FHIP2A: variants seen among roughly 807,000 people sequenced by gnomAD.
FHIP2A encodes family with sequence similarity 160 member B1.
In FHIP2A, 46 loss-of-function variants were observed where a neutral mutation model predicts 93.5. The observed-to-expected ratio is 0.49, with a 90% CI of 0.39 to 0.63. The LOEUF (loss-of-function observed/expected upper bound fraction) is 0.63. Among genes scored for constraint, FHIP2A ranks in the 20% least tolerant of loss-of-function variants. The probability of loss-of-function intolerance (pLI) is 0.00; values close to 1 mark genes in which losing one functional copy is unlikely to be tolerated. For synonymous variants in FHIP2A, 332 were observed against 326.5 expected, an observed-to-expected ratio of 1.02 and a Z score of -0.18; for missense variants, 769 against 909.7, an observed-to-expected ratio of 0.85 and a Z score of 1.99.
intron 16 of FHIP2A, among the ~76,000 whole-genome samples, chr10:114,898,936 A>C (rs2084013774): frequency 6.6e-6 from 1 of 152,180 alleles, no homozygotes; most frequent in South Asian, 2.1e-4. Flanking sequence ...GTTTTGGCCA[A>C]TGGACATCTA....
chr10:114,843,573 G>A (rs1385855734), intron 6 of FHIP2A, among the ~76,000 whole-genome samples, 168 bp from the exon 7 acceptor site: 1 of 151,942 alleles, frequency 6.6e-6, no homozygotes. Flanking sequence ...CAAAATGCTG[G>A]GATTACAGGT....
chr10:114,845,241 G>C, intron 7 of FHIP2A, 126 bp from the exon 8 acceptor site: 1 of 531,054 alleles, frequency 1.9e-6, no homozygotes, highest in Non-Finnish European at 3.4e-6. Flanking sequence ...CTGTCCTCCA[G>C]CATTTCCTGT....
In FHIP2A at chr10:114,836,658, C is replaced by G. The variant is rs888505053; in HGVS notation, c.522+412C>G. The stretch of plus-strand genomic sequence containing the variant: ...AGATGGAAAAAAGCACGAGTTATCT[C>G]TCCATCCTCATAGCAGTTGGGATTG... On this transcript the variant is annotated intron_variant, in intron 5 of 16. Transcript: ENST00000369248. 9.2e-5 allele frequency among the ~76,000 whole-genome samples: 14 copies of G among 152,322 alleles called. No homozygotes were observed. In the East Asian group the frequency reaches 1.5e-3, roughly 17 times the overall value.
intron 16 of FHIP2A, among the ~76,000 whole-genome samples, chr10:114,888,165 G>A (rs2083952432): frequency 6.6e-6 from 1 of 152,178 alleles, no homozygotes; most frequent in South Asian, 2.1e-4. Flanking sequence ...TGCTCCTTCA[G>A]GCTTAGGGGT....
chr10:114,859,596 A>G (rs2083786003), intron 14 of FHIP2A, among the ~76,000 whole-genome samples: 2 of 152,326 alleles, frequency 1.3e-5, no homozygotes, highest in Middle Eastern at 6.8e-3. Flanking sequence ...GGCTGCTTAG[A>G]AGAAGCAAAC....
At chr10:114,885,645 C>T (rs1214377602) in intron 16 of FHIP2A, among the ~76,000 whole-genome samples, 1 of 152,210 alleles carries the variant, frequency 6.6e-6, no homozygotes, top group Non-Finnish European at 1.5e-5. Flanking sequence ...TCACCATTTG[C>T]TTTGCTCATC....
intron 16 of FHIP2A, among the ~76,000 whole-genome samples, chr10:114,888,584 G>A (rs895045325): frequency 3.3e-5 from 5 of 152,106 alleles, no homozygotes; most frequent in Admixed American, 2.6e-4. Flanking sequence ...TCATGAAGGT[G>A]GAACTTTTCT....
In FHIP2A at chr10:114,886,493, T is replaced by G. The variant is rs191480197; in HGVS notation, c.2193-12997T>G. ...ATGTTAACGCGTGCTTTATTTTATT[T>G]AATTGTCAGATAATTCTGCAAAGTA... On this transcript the variant is annotated intron_variant, in intron 16 of 16. Transcript: ENST00000369250. 2.1e-3 allele frequency among the ~76,000 whole-genome samples: 321 copies of G among 152,330 alleles called. 4 individuals carry two copies. The highest frequency in any genetic ancestry group is 0.018 in the Admixed American group (276 of 15,298).
At chr10:114,841,064 A>G (rs942420912) in intron 5 of FHIP2A, among the ~76,000 whole-genome samples, 9 of 152,082 alleles carry the variant, frequency 5.9e-5, no homozygotes, top group African/African-American at 2.2e-4. Flanking sequence ...CAGATATTCA[A>G]CAGGTCCGGA....
intron 16 of FHIP2A, among the ~76,000 whole-genome samples, chr10:114,891,537 A>ATG (rs34032569): frequency 0.26 from 35,594 of 136,882 alleles, 4,721 homozygotes; most frequent in Non-Finnish European, 0.32. Context: ...ATATATATAT[A>ATG]TGTGTGTGTG....
intron 5 of FHIP2A, among the ~76,000 whole-genome samples, chr10:114,838,920 G>A (rs547956273): frequency 2.6e-5 from 4 of 152,288 alleles, no homozygotes; most frequent in Admixed American, 2.6e-4. Flanking sequence ...CTATTCATAT[G>A]TGTTTAATGT....
chr10:114,879,887 A>T (rs2083908385), intron 16 of FHIP2A, among the ~76,000 whole-genome samples: 1 of 152,150 alleles, frequency 6.6e-6, no homozygotes, highest in Non-Finnish European at 1.5e-5. Flanking sequence ...TTGAGCTCCG[A>T]GGCTCAAGGG....
intron 5 of FHIP2A, among the ~76,000 whole-genome samples, chr10:114,841,295 T>TTC (rs2083667304): frequency 6.7e-6 from 1 of 149,484 alleles, no homozygotes; most frequent in Non-Finnish European, 1.5e-5. Context: ...GCCATTGGTT[T>TTC]TTTTTTTTTT....
chr10:114,861,643 C>T lies in FHIP2A; in HGVS notation c.*103C>T, dbSNP rs1008538971. The T allele has an allele frequency of 2.8e-5, 41 of 1,482,188 alleles. No homozygotes were observed. The highest frequency in any genetic ancestry group is 2.5e-4 in the Middle Eastern group (1 of 4,022). The allele number at this position is 1,482,188 out of a possible 1,614,324, so 91.8% of individuals were successfully genotyped here. On this transcript the variant is annotated 3_prime_UTR_variant, in exon 17 of 17. Transcript: ENST00000369248. Reference sequence around the variant, plus strand: ...CAAGAGGATAAAAAGCCTTTTTAAACGCAGTATTGCTGTAAACTGGACAGA... The same window carrying T: ...CAAGAGGATAAAAAGCCTTTTTAAATGCAGTATTGCTGTAAACTGGACAGA...
chr10:114,862,168 TA>T lies in FHIP2A; in HGVS notation c.*629del, dbSNP rs2083804330. ...ATTCTTGATTAATATAATATATCTA[TA>T]TTTTTAAAGAAATGTTCTTTTACTC... On this transcript the variant is annotated 3_prime_UTR_variant, in exon 17 of 17. Transcript: ENST00000369248. 1 of 926,336 alleles carries T rather than the reference TA, an allele frequency of 1.1e-6. No individual in the cohort carries two copies. The highest frequency in any genetic ancestry group is 1.3e-6 in the Non-Finnish European group (1 of 775,814). The allele number at this position is 926,336 out of a possible 1,614,324, so 57.4% of individuals were successfully genotyped here.
chr10:114,846,453 C>A, intron 10 of FHIP2A, 86 bp downstream of exon 10: 1 of 1,439,432 alleles, frequency 6.9e-7, no homozygotes, highest in South Asian at 1.3e-5. Context: ...TTCAATACAA[C>A]CTCTTTTATT....
Position 114,861,944 on chromosome 10 carries a change from A to G in FHIP2A, c.*404A>G. ...GACTCAAATGCTTGTATTCTTTTGG[A>G]TTAATAAGTAGCAAAAAAAAATCAC... On this transcript the variant is annotated 3_prime_UTR_variant, in exon 17 of 17. Coordinates refer to ENST00000369248, the MANE Select transcript of FHIP2A (RefSeq NM_020940.4). The G allele has an allele frequency of 1.0e-6, 1 of 986,338 alleles. No individual in the cohort carries two copies. Among genetic ancestry groups the G allele is most frequent in the Non-Finnish European group, 1.2e-6 (1 of 830,316 alleles). The allele number at this position is 986,338 out of a possible 1,614,324, so 61.1% of individuals were successfully genotyped here.
intron 1 of FHIP2A, among the ~76,000 whole-genome samples, chr10:114,824,100 G>T (rs554029139): frequency 6.6e-6 from 1 of 152,146 alleles, no homozygotes; most frequent in African/African-American, 2.4e-5. Flanking sequence ...GTATGCATAG[G>T]TTATATGAAA....
In FHIP2A at chr10:114,846,660, T is replaced by C. The variant is rs1296456626; in HGVS notation, c.1500T>C (p.Tyr500=). ...LVLRNLEERN[Y]TEYKPLCPED... ...TGAGAAATCTTGAAGAAAGAAATTATACAGAATATAAACCTTTGTGCCCAG... is the reference window on the plus strand; with the variant it reads ...TGAGAAATCTTGAAGAAAGAAATTACACAGAATATAAACCTTTGTGCCCAG... Residue 500 remains tyrosine (Y), a synonymous_variant, in exon 11 of 17, where the codon TAT becomes TAC. Coordinates refer to ENST00000369248, the MANE Select transcript of FHIP2A (RefSeq NM_020940.4). 1 of 1,612,334 alleles carries C rather than the reference T, an allele frequency of 6.2e-7. No individual in the cohort carries two copies. Among genetic ancestry groups the C allele is most frequent in the South Asian group, 1.1e-5 (1 of 90,518 alleles).
Sources: allele counts gnomAD v4.1 joint callset (sites outside exome capture counted in the v4.1 genomes callset), GRCh38; gene constraint gnomAD v4.1.1; transcripts MANE v1.5; gene names NCBI Gene and HGNC (gene_info 2026-07-23, HGNC 2026-07-21).